Variants in PPP1R37 observed in about 807,000 individuals in gnomAD.
PPP1R37 encodes the protein leucine rich repeat containing 68.
A neutral mutation model predicts 61.0 loss-of-function variants in PPP1R37; 21 were observed. The observed-to-expected ratio is 0.34, with a 90% CI of 0.24 to 0.50. The LOEUF is 0.50. Among genes scored for constraint, PPP1R37 ranks in the 20% least tolerant of loss-of-function variants. The pLI, the probability that PPP1R37 is intolerant of heterozygous loss-of-function variation, is 0.98. For synonymous variants in PPP1R37, 443 were observed against 433.5 expected (o/e 1.02, Z -0.27); for missense variants, 910 against 952.7 (o/e 0.96, Z 0.59).
At chr19:45,119,581 A>G (rs1309330882) in intron 1 of PPP1R37, among the ~76,000 whole-genome samples, 1 of 152,174 alleles carries the variant, frequency 6.6e-6, no homozygotes, top group African/African-American at 2.4e-5. Context: ...GCCTATCTCC[A>G]TGCCACTCTC....
chr19:45,114,417 G>A (rs1336769755), intron 1 of PPP1R37, among the ~76,000 whole-genome samples: 1 of 152,210 alleles, frequency 6.6e-6, no homozygotes, highest in Non-Finnish European at 1.5e-5. Context: ...CAGCCCTCCT[G>A]GTGTCTGGAA....
intron 1 of PPP1R37, among the ~76,000 whole-genome samples, chr19:45,106,249 T>C (rs1443174652): frequency 6.7e-6 from 1 of 150,058 alleles, no homozygotes; most frequent in East Asian, 2.0e-4. Flanking sequence ...TTTGTTTTTG[T>C]TTTTTTTTTG....
At chr19:45,100,810 G>A (rs377249619) in intron 1 of PPP1R37, among the ~76,000 whole-genome samples, 2 of 152,214 alleles carry the variant, frequency 1.3e-5, no homozygotes, top group Admixed American at 6.5e-5. Context: ...GCAGGAGGGG[G>A]TCACTGTGGT....
rs1319145257 is a variant in PPP1R37 at position 45,146,691 on chromosome 19, T to TC, written c.*135dup. 1.9e-6 allele frequency: 1 copy of TC among 521,526 alleles called. No homozygotes were observed. Among genetic ancestry groups the TC allele is most frequent in the South Asian group, 2.1e-5 (1 of 48,430 alleles). The allele number at this position is 521,526 out of a possible 1,614,324, so 32.3% of individuals were successfully genotyped here. On this transcript the variant is annotated 3_prime_UTR_variant, in exon 13 of 13. Transcript: ENST00000221462. ...GGTGGGGGCCATTCTGGGGCCCCCC[T>TC]CCCCCCACAGCAACACTACAAGGGG...
At chr19:45,140,093 G>C in intron 2 of PPP1R37, 143 bp from the exon 3 acceptor site, 1 of 656,270 alleles carries the variant, frequency 1.5e-6, no homozygotes, top group South Asian at 1.8e-5. Context: ...CAGCTGGTGG[G>C]TGGCCTCTGA....
rs1343358219 is a variant in PPP1R37 at position 45,138,622 on chromosome 19, G to GA, written c.300+12dup. On this transcript the variant is annotated intron_variant, in intron 2 of 12. Transcript: ENST00000221462. ...CTCAGGCAGCTGCAGGTATGGGCGG[G>GA]ACAGGGTGGGTGCGTCCGGTGTGGG... is the stretch of plus-strand genomic sequence containing the variant. 5.8e-6 allele frequency: 5 copies of GA among 868,368 alleles called. No individual in the cohort carries two copies. The highest frequency in any genetic ancestry group is 8.7e-6 in the Non-Finnish European group (5 of 571,528). 53.8% of individuals were successfully genotyped at this position (868,368 alleles called of 1,614,324 possible).
intron 1 of PPP1R37, among the ~76,000 whole-genome samples, chr19:45,104,524 C>T (rs1968105221): frequency 6.6e-6 from 1 of 152,322 alleles, no homozygotes; most frequent in African/African-American, 2.4e-5. Flanking sequence ...CCAACCAGCG[C>T]CTGTTTTGCC....
At chr19:45,110,748 A>C (rs1287705275) in intron 1 of PPP1R37, among the ~76,000 whole-genome samples, 1 of 152,164 alleles carries the variant, frequency 6.6e-6, no homozygotes, top group Non-Finnish European at 1.5e-5. Context: ...GAGGAAGGTG[A>C]GGGTGGGCAG....
chr19:45,112,866 G>A (rs1414758883), intron 1 of PPP1R37, among the ~76,000 whole-genome samples: 3 of 152,168 alleles, frequency 2.0e-5, no homozygotes, highest in Non-Finnish European at 2.9e-5. Flanking sequence ...TGTTGAGCTT[G>A]AGGCAGTTGG....
chr19:45,128,351 C>A (rs1469106078), intron 1 of PPP1R37, among the ~76,000 whole-genome samples: 1 of 152,186 alleles, frequency 6.6e-6, no homozygotes, highest in African/African-American at 2.4e-5. Flanking sequence ...ATCTATTACT[C>A]TTTTCATGCT....
intron 1 of PPP1R37, among the ~76,000 whole-genome samples, chr19:45,113,760 T>C (rs533760060): frequency 6.6e-6 from 1 of 152,358 alleles, no homozygotes; most frequent in East Asian, 1.9e-4. Context: ...CAGAGAGTTC[T>C]CTCCGCCCCC....
In PPP1R37 at chr19:45,145,209, G is replaced by A; in HGVS notation, c.1245G>A (p.Val415=). 1 of 1,535,206 alleles carries A rather than the reference G, an allele frequency of 6.5e-7. No individual in the cohort carries two copies. The highest frequency in any genetic ancestry group is 8.7e-7 in the Non-Finnish European group (1 of 1,146,494). ...TGGCACTGTCGTTGGCCCTCAAGGT[G>A]AACCACTCACTGCTGCGCCTGGACC... ...GLMALSLALK[V]NHSLLRLDLD... The change falls in exon 10 of 13, where the codon GTG becomes GTA. Residue 415 remains valine (V), a synonymous_variant. Transcript: ENST00000221462.
intron 2 of PPP1R37, among the ~76,000 whole-genome samples, chr19:45,139,420 T>G (rs1968580704): frequency 6.6e-6 from 1 of 152,230 alleles, no homozygotes; most frequent in South Asian, 2.1e-4. Context: ...CCTGCTGGTT[T>G]TCCATTTGGT....
At chr19:45,105,080 C>T (rs1264562586) in intron 1 of PPP1R37, among the ~76,000 whole-genome samples, 8 of 152,170 alleles carry the variant, frequency 5.3e-5, no homozygotes, top group Admixed American at 4.6e-4. Context: ...CCCCAGACCA[C>T]GTGGCACTGG....
chr19:45,131,424 G>C (rs10408847), intron 1 of PPP1R37, among the ~76,000 whole-genome samples: 39,806 of 152,132 alleles, frequency 0.26, 5,612 homozygotes, highest in African/African-American at 0.33. Context: ...GAGCTGTGCT[G>C]TGGTTTCAGG....
chr19:45,108,991 C>T (rs766341580), intron 1 of PPP1R37: 5 of 152,102 alleles, frequency 3.3e-5, no homozygotes, highest in African/African-American at 7.3e-5. Context: ...AGGATGGTCT[C>T]GAACTCCTGG....
intron 7 of PPP1R37, chr19:45,143,005 G>A: frequency 6.0e-6 from 1 of 166,724 alleles, no homozygotes; most frequent in South Asian, 1.6e-4. Context: ...CGTTCCTGTT[G>A]CATCCTGGAG....
chr19:45,135,241 C>CT (rs1282530037), intron 1 of PPP1R37, among the ~76,000 whole-genome samples: 2 of 151,702 alleles, frequency 1.3e-5, no homozygotes, highest in Non-Finnish European at 2.9e-5. Flanking sequence ...GAGTGAAACT[C>CT]TGTCTCAAAA....
chr19:45,141,517 C>A, intron 5 of PPP1R37, 76 bp downstream of exon 5: 1 of 1,474,476 alleles, frequency 6.8e-7, no homozygotes, highest in Non-Finnish European at 9.0e-7. Flanking sequence ...GGGCATGGCC[C>A]GTAGGCTCTG....
Sources: gnomAD v4.1 joint callset for allele counts (sites outside exome capture counted in the v4.1 genomes callset) on GRCh38, gnomAD v4.1.1 for gene constraint, MANE v1.5 for transcripts, NCBI Gene and HGNC (gene_info 2026-07-23, HGNC 2026-07-21) for gene names.